The following TMEM132D variants were observed in gnomAD, a reference collection of about 807,000 sequenced individuals.
The protein encoded by TMEM132D is transmembrane protein 132D.
A neutral mutation model predicts 62.3 loss-of-function variants in TMEM132D; 21 were observed. The ratio of observed to expected loss-of-function variants is 0.34; its 90% CI spans 0.24 to 0.49. TMEM132D has a LOEUF of 0.49. Among genes scored for constraint, TMEM132D ranks in the 20% least tolerant of loss-of-function variants. TMEM132D has a pLI of 0.99. For missense variants in TMEM132D, 1,346 were observed against 1,402.8 expected, an observed-to-expected ratio of 0.96 and a Z score of 0.65; for synonymous variants, 621 against 575.6, an observed-to-expected ratio of 1.08 and a Z score of -1.13.
At chr12:129,301,454 G>A (rs1340064017) in intron 4 of TMEM132D, among the ~76,000 whole-genome samples, 2 of 151,762 alleles carry the variant, frequency 1.3e-5, no homozygotes, top group Non-Finnish European at 2.9e-5. Context: ...AAAAAAAAAA[G>A]AGGCTCACCT....
chr12:129,335,676 T>C (rs577694397), intron 4 of TMEM132D, among the ~76,000 whole-genome samples: 23 of 152,308 alleles, frequency 1.5e-4, no homozygotes, highest in Admixed American at 7.8e-4. Flanking sequence ...TTTCCTCAAG[T>C]GGAAATAAAG....
At chr12:129,669,518 A>G (rs1818254251) in intron 2 of TMEM132D, among the ~76,000 whole-genome samples, 1 of 152,106 alleles carries the variant, frequency 6.6e-6, no homozygotes, top group Non-Finnish European at 1.5e-5. Flanking sequence ...CAGGCTGGCC[A>G]ACATAGTGAA....
chr12:129,499,536 C>A (rs781050266), intron 3 of TMEM132D, among the ~76,000 whole-genome samples: 9 of 152,122 alleles, frequency 5.9e-5, no homozygotes, highest in Non-Finnish European at 1.2e-4. Flanking sequence ...ATTTTGACAC[C>A]CTTTCCCCCA....
chr12:129,461,327 A>G (rs1418269124), intron 3 of TMEM132D, among the ~76,000 whole-genome samples: 1 of 152,138 alleles, frequency 6.6e-6, no homozygotes, highest in Admixed American at 6.6e-5. Flanking sequence ...ATTGTACCTG[A>G]GAATCTCAGG....
intron 3 of TMEM132D, among the ~76,000 whole-genome samples, chr12:129,507,259 G>T (rs903006992): frequency 1.1e-4 from 17 of 152,154 alleles, no homozygotes; most frequent in Non-Finnish European, 1.5e-5. Context: ...TACACTGCTG[G>T]TGGGAATGTA....
At position 129,430,879 on chromosome 12, in the gene TMEM132D, C is replaced by G. The variant is rs185000520; in HGVS notation, c.1116-93062G>C. Among the ~76,000 whole-genome samples the G allele has an allele frequency of 1.3e-4, 20 of 151,764 alleles. No individual in the cohort carries two copies. In the East Asian group the frequency reaches 3.5e-3, roughly 27 times the overall value. ...GGGGGAGGTAGATAGGGAAAGAGCT[C>G]AGGAGAGTGGGGGGAGACAGGTACA... On this transcript the variant is annotated intron_variant, in intron 3 of 8. Coordinates refer to ENST00000422113, the MANE Select transcript of TMEM132D (RefSeq NM_133448.3).
Position 129,603,175 on chromosome 12 carries a change from G to A in TMEM132D, c.969-71970C>T, listed in dbSNP as rs543139093. 5.9e-5 allele frequency among the ~76,000 whole-genome samples: 9 copies of A among 152,266 alleles called. No individual in the cohort carries two copies. In the South Asian group the frequency reaches 1.5e-3, roughly 25 times the overall value. On this transcript the variant is annotated intron_variant, in intron 2 of 8. Coordinates refer to ENST00000422113, the MANE Select transcript of TMEM132D (RefSeq NM_133448.3). ...CATTATCACCCAAAGTCCAAAGTTGGCATTAGGGTTCACACTTGGTGTTAC... is the reference window on the plus strand; with the variant it reads ...CATTATCACCCAAAGTCCAAAGTTGACATTAGGGTTCACACTTGGTGTTAC...
At chr12:129,501,893 T>C (rs1875155268) in intron 3 of TMEM132D, among the ~76,000 whole-genome samples, 1 of 152,192 alleles carries the variant, frequency 6.6e-6, no homozygotes, top group Admixed American at 6.5e-5. Flanking sequence ...AACTGGCTCC[T>C]AAAAATCTAG....
At chr12:129,343,094 G>A (rs1043616846) in intron 3 of TMEM132D, among the ~76,000 whole-genome samples, 2 of 152,144 alleles carry the variant, frequency 1.3e-5, no homozygotes, top group African/African-American at 2.4e-5. Flanking sequence ...CCAAAGGATT[G>A]TAAATCATGC....
At chr12:129,352,191 C>A (rs111722727) in intron 3 of TMEM132D, among the ~76,000 whole-genome samples, 1 of 152,106 alleles carries the variant, frequency 6.6e-6, no homozygotes, top group Non-Finnish European at 1.5e-5. Flanking sequence ...ACTAAACAGA[C>A]CCAGAGTTGG....
intron 3 of TMEM132D, among the ~76,000 whole-genome samples, chr12:129,457,482 C>A (rs1236991738): frequency 6.7e-6 from 1 of 150,032 alleles, no homozygotes; most frequent in Non-Finnish European, 1.5e-5. Context: ...AGGAGATATA[C>A]CTAATGCTAA....
At chr12:129,891,050 C>A (rs1317732185) in intron 1 of TMEM132D, among the ~76,000 whole-genome samples, 1 of 152,052 alleles carries the variant, frequency 6.6e-6, no homozygotes, top group Admixed American at 6.5e-5. Context: ...ATAACAGCGA[C>A]GCCCAAACAG....
chr12:129,689,851 T>G (rs1293743363), intron 2 of TMEM132D, among the ~76,000 whole-genome samples: 13 of 152,198 alleles, frequency 8.5e-5, no homozygotes, highest in Non-Finnish European at 4.4e-5. Flanking sequence ...ATCACAATTA[T>G]TCTTACAAGA....
In TMEM132D at chr12:129,885,533, T is replaced by C. The variant is rs553573204; in HGVS notation, c.79+17728A>G. 4.6e-5 allele frequency among the ~76,000 whole-genome samples: 7 copies of C among 152,342 alleles called. No homozygotes were observed. In the South Asian group the frequency reaches 8.3e-4, roughly 18 times the overall value. On this transcript the variant is annotated intron_variant, in intron 1 of 8. Transcript: ENST00000422113. Reference sequence around the variant, plus strand: ...CGTGGCTCAGGTGCTGACTGGACTGTTGCAAAACTCTAGAAATGATTCTAA... The same window carrying C: ...CGTGGCTCAGGTGCTGACTGGACTGCTGCAAAACTCTAGAAATGATTCTAA...
At chr12:129,092,133 C>T (rs1162303909) in intron 5 of TMEM132D, among the ~76,000 whole-genome samples, 2 of 152,172 alleles carry the variant, frequency 1.3e-5, no homozygotes, top group Non-Finnish European at 2.9e-5. Context: ...TCACACTGTT[C>T]CGTTATAGGG....
intron 3 of TMEM132D, among the ~76,000 whole-genome samples, chr12:129,353,540 G>T (rs1299765143): frequency 6.6e-6 from 1 of 152,034 alleles, no homozygotes; most frequent in African/African-American, 2.4e-5. Context: ...GGTGAACAGG[G>T]CTTGATTTGG....
At chr12:129,469,802 C>T (rs1256953716) in intron 3 of TMEM132D, among the ~76,000 whole-genome samples, 1 of 152,198 alleles carries the variant, frequency 6.6e-6, no homozygotes, top group African/African-American at 2.4e-5. Context: ...ACAGAGTCAC[C>T]TTCAAAGTGA....
chr12:129,450,777 AAC>A (rs1873255000), intron 3 of TMEM132D, among the ~76,000 whole-genome samples: 2 of 135,066 alleles, frequency 1.5e-5, no homozygotes, highest in Non-Finnish European at 1.5e-5. Flanking sequence ...TTTTTTTTGA[AAC>A]AGAGTCTCAC....
At chr12:129,553,473 C>T (rs546280310) in intron 2 of TMEM132D, among the ~76,000 whole-genome samples, 3 of 152,184 alleles carry the variant, frequency 2.0e-5, no homozygotes, top group East Asian at 1.9e-4. Context: ...AAACACTGTA[C>T]GTCTGTGCCT....
Sources: gnomAD v4.1 joint callset for allele counts (sites outside exome capture counted in the v4.1 genomes callset) on GRCh38, gnomAD v4.1.1 for gene constraint, MANE v1.5 for transcripts, NCBI Gene and HGNC (gene_info 2026-07-23, HGNC 2026-07-21) for gene names.